The following RETREG1 variants were observed in gnomAD, a reference collection of about 807,000 sequenced individuals.
RETREG1 encodes the protein family with sequence similarity 134 member B.
In RETREG1, 44 loss-of-function variants were observed where a neutral mutation model predicts 54.8. The observed-to-expected ratio is 0.80, with a 90% CI of 0.63 to 1.03. RETREG1 has a LOEUF of 1.03. Among genes scored for constraint, RETREG1 ranks in the 50% least tolerant of loss-of-function variants. The probability of loss-of-function intolerance (pLI) is 0.00; values close to 1 mark genes in which losing one functional copy is unlikely to be tolerated. For missense variants in RETREG1, 554 were observed against 605.1 expected (o/e 0.92, Z 0.89); for synonymous variants, 217 against 238.5 (o/e 0.91, Z 0.83).
intron 3 of RETREG1, among the ~76,000 whole-genome samples, chr5:16,533,420 T>A (rs555116131): frequency 2.0e-5 from 3 of 152,154 alleles, no homozygotes; most frequent in Admixed American, 6.5e-5. Context: ...ACCACCCCCA[T>A]CCTTCTCCAT....
At chr5:16,596,533 G>C (rs1398755699) in intron 1 of RETREG1, among the ~76,000 whole-genome samples, 1 of 152,200 alleles carries the variant, frequency 6.6e-6, no homozygotes, top group Non-Finnish European at 1.5e-5. Flanking sequence ...AATGCATCCT[G>C]GTCAATCACA....
chr5:16,601,492 G>A (rs186548034), intron 1 of RETREG1, among the ~76,000 whole-genome samples: 2,286 of 151,876 alleles, frequency 0.015, 30 homozygotes, highest in Non-Finnish European at 0.024. Context: ...CACTTCCCAG[G>A]TTCAAGTGAT....
chr5:16,481,067 GCA>G lies in RETREG1; in HGVS notation c.610_611del (p.Cys204HisfsTer30). ...GKFCLLVCSV[C>X]TFFTILGSYI... is the part of the protein sequence containing the mutation. Reference sequence around the variant, plus strand: ...AACTTCCCAAGATCGTAAAAAATGTGCACACACTACAGACCAGGAGACAAAAC... The same window carrying G: ...AACTTCCCAAGATCGTAAAAAATGTGCACACTACAGACCAGGAGACAAAAC... On this transcript the variant is annotated frameshift_variant, in exon 5 of 9. Coordinates refer to ENST00000306320, the MANE Select transcript of RETREG1 (RefSeq NM_001034850.3). LOFTEE classifies it high-confidence loss of function. 6.2e-7 allele frequency: 1 copy of G among 1,611,768 alleles called. No homozygotes were observed. The highest frequency in any genetic ancestry group is 8.5e-7 in the Non-Finnish European group (1 of 1,178,362).
chr5:16,608,373 C>T (rs1743252771), intron 1 of RETREG1, among the ~76,000 whole-genome samples: 1 of 152,208 alleles, frequency 6.6e-6, no homozygotes. Flanking sequence ...ATCCTGACAA[C>T]ATCCAGTGCT....
intron 3 of RETREG1, among the ~76,000 whole-genome samples, chr5:16,500,421 G>A (rs1039045263): frequency 2.6e-5 from 4 of 152,154 alleles, no homozygotes; most frequent in African/African-American, 7.2e-5. Context: ...GAGAGACTGT[G>A]AGGCTAAAGA....
At chr5:16,511,370 C>T (rs1487893392) in intron 3 of RETREG1, among the ~76,000 whole-genome samples, 1 of 152,114 alleles carries the variant, frequency 6.6e-6, no homozygotes, top group African/African-American at 2.4e-5. Context: ...CAACCATAGG[C>T]TGATGTAAGT....
At chr5:16,560,008 A>C (rs1028886383) in intron 3 of RETREG1, among the ~76,000 whole-genome samples, 6 of 152,246 alleles carry the variant, frequency 3.9e-5, no homozygotes, top group Admixed American at 3.9e-4. Context: ...CCTTCTCAGA[A>C]CATACCCACT....
chr5:16,479,203 C>A (rs1461947371), intron 5 of RETREG1, among the ~76,000 whole-genome samples: 1 of 151,430 alleles, frequency 6.6e-6, no homozygotes, highest in African/African-American at 2.4e-5. Flanking sequence ...CCCACACTTA[C>A]ACAAGTTTAT....
chr5:16,573,066 C>T (rs923003080), intron 1 of RETREG1, among the ~76,000 whole-genome samples: 5 of 151,296 alleles, frequency 3.3e-5, no homozygotes, highest in Admixed American at 6.6e-5. Context: ...GCCTGCAGTC[C>T]CAGCTACTCC....
intron 4 of RETREG1, 37 bp from the exon 5 acceptor site, chr5:16,481,130 T>C (rs1738754791): frequency 7.0e-7 from 1 of 1,424,332 alleles, no homozygotes; most frequent in Admixed American, 1.7e-5. Flanking sequence ...TAGTTAAGCA[T>C]AACACCAAGA....
In RETREG1 at chr5:16,474,684, T is replaced by TTTTTTTTTTTAAA; in HGVS notation, c.*56_*57insTTTAAAAAAAAAA. ...TTTTCTTTTCCTTTTTTTTTTTTTT[T>TTTTTTTTTTTAAA]TCTTGTTTGAAATTTTTTTGGTGTT... On this transcript the variant is annotated 3_prime_UTR_variant, in exon 9 of 9. Coordinates refer to ENST00000306320, the MANE Select transcript of RETREG1 (RefSeq NM_001034850.3). 1 of 1,560,746 alleles carries TTTTTTTTTTTAAA rather than the reference T, an allele frequency of 6.4e-7. No homozygotes were observed. Among genetic ancestry groups the TTTTTTTTTTTAAA allele is most frequent in the East Asian group, 2.2e-5 (1 of 44,460 alleles).
At position 16,492,765 on chromosome 5, in the gene RETREG1, T is replaced by C. The variant is rs566971953; in HGVS notation, c.459-9293A>G. ...ATTATGTTCCTCTGTGTGTAGGTGC[T>C]TGCATATGACTGTATGTAGGCAGAG... On this transcript the variant is annotated intron_variant, in intron 3 of 8. Transcript: ENST00000306320. Among the ~76,000 whole-genome samples, 452 of 152,346 alleles carry C rather than the reference T, an allele frequency of 3.0e-3. 2 individuals are homozygous for C. The highest frequency in any genetic ancestry group is 0.01 in the African/African-American group (430 of 41,574).
chr5:16,552,064 C>T (rs1209606135), intron 3 of RETREG1, among the ~76,000 whole-genome samples: 2 of 152,218 alleles, frequency 1.3e-5, no homozygotes, highest in Non-Finnish European at 2.9e-5. Context: ...TCTGCAAAGT[C>T]CCTCCTGCCA....
At chr5:16,499,974 T>C (rs1739634903) in intron 3 of RETREG1, among the ~76,000 whole-genome samples, 1 of 152,172 alleles carries the variant, frequency 6.6e-6, no homozygotes, top group Non-Finnish European at 1.5e-5. Flanking sequence ...TCCATGGTAT[T>C]TACCCAGCAG....
chr5:16,505,255 G>A (rs1739903283), intron 3 of RETREG1, among the ~76,000 whole-genome samples: 1 of 152,128 alleles, frequency 6.6e-6, no homozygotes, highest in African/African-American at 2.4e-5. Context: ...TATATGACAA[G>A]TCCAGTAGGA....
chr5:16,526,432 A>G (rs1470577776), intron 3 of RETREG1, among the ~76,000 whole-genome samples: 1 of 152,206 alleles, frequency 6.6e-6, no homozygotes, highest in African/African-American at 2.4e-5. Context: ...TTGAGACCCT[A>G]TTCCCAGAGG....
chr5:16,487,352 T>G (rs990945100), intron 3 of RETREG1, among the ~76,000 whole-genome samples: 2 of 152,166 alleles, frequency 1.3e-5, no homozygotes, highest in Non-Finnish European at 2.9e-5. Flanking sequence ...CTCGCCAGCC[T>G]TCCAGCTTTC....
chr5:16,526,480 A>C (rs1242548055), intron 3 of RETREG1, among the ~76,000 whole-genome samples: 2 of 152,230 alleles, frequency 1.3e-5, no homozygotes, highest in Admixed American at 6.5e-5. Context: ...GTGGACTCAA[A>C]AAGAGATGTT....
chr5:16,613,299 T>C (rs971825344), intron 1 of RETREG1, among the ~76,000 whole-genome samples: 4 of 152,212 alleles, frequency 2.6e-5, no homozygotes, highest in African/African-American at 7.2e-5. Context: ...ATTGTGTTCA[T>C]TGTATTCCTC....
Sources: allele counts gnomAD v4.1 joint callset (sites outside exome capture counted in the v4.1 genomes callset), GRCh38; gene constraint gnomAD v4.1.1; transcripts MANE v1.5; gene names NCBI Gene and HGNC (gene_info 2026-07-23, HGNC 2026-07-21).